Variants in SLC8A1 observed in about 807,000 individuals in gnomAD.
The protein encoded by SLC8A1 is sodium/calcium exchanger 1.
A neutral mutation model predicts 68.3 loss-of-function variants in SLC8A1; 18 were observed. That is an observed-to-expected ratio of 0.26 (90% CI 0.18 to 0.39). The LOEUF (loss-of-function observed/expected upper bound fraction) is 0.39, where lower values mean the gene tolerates loss of function less well. SLC8A1 is among the 10% of genes least tolerant of loss of function. The probability of loss-of-function intolerance (pLI) is 1.00; values close to 1 mark genes in which losing one functional copy is unlikely to be tolerated. For synonymous variants in SLC8A1, 475 were observed against 415.5 expected (o/e 1.14, Z -1.74); for missense variants, 985 against 1,156.7 (o/e 0.85, Z 2.15).
At chr2:40,417,781 C>T (rs1046028332) in intron 2 of SLC8A1, among the ~76,000 whole-genome samples, 1 of 151,926 alleles carries the variant, frequency 6.6e-6, no homozygotes, top group Non-Finnish European at 1.5e-5. Flanking sequence ...GAACATCTAC[C>T]ATTCACTTTT....
intron 2 of SLC8A1, among the ~76,000 whole-genome samples, chr2:40,285,601 A>T (rs940875352): frequency 2.6e-5 from 4 of 152,290 alleles, no homozygotes; most frequent in African/African-American, 9.6e-5. Context: ...AGAAGAAGAT[A>T]GCAGTGTTTA....
chr2:40,381,154 A>C (rs1681643549), intron 2 of SLC8A1, among the ~76,000 whole-genome samples: 1 of 152,030 alleles, frequency 6.6e-6, no homozygotes, highest in African/African-American at 2.4e-5. Context: ...TGGTTGCTCC[A>C]AACATCAAAA....
At chr2:40,250,269 G>A (rs576641348) in intron 2 of SLC8A1, 8 of 152,312 alleles carry the variant, frequency 5.3e-5, no homozygotes, top group African/African-American at 1.9e-4. Context: ...CTGGACAACA[G>A]ACAAATTACT....
chr2:40,104,501 A>C (rs1011211469), exon 8 of SLC8A1: 7 of 152,158 alleles, frequency 4.6e-5, no homozygotes, highest in African/African-American at 1.7e-4. Flanking sequence ...TAATATTTCT[A>C]TTTCTGTTAG....
intron 2 of SLC8A1, among the ~76,000 whole-genome samples, chr2:40,248,424 C>T (rs1029252237): frequency 6.6e-6 from 1 of 152,120 alleles, no homozygotes; most frequent in Non-Finnish European, 1.5e-5. Context: ...CTCCCTTGCC[C>T]TACCATCACA....
intron 2 of SLC8A1, among the ~76,000 whole-genome samples, chr2:40,252,768 G>A (rs673689): frequency 5.6e-5 from 8 of 143,316 alleles, no homozygotes; most frequent in South Asian, 2.1e-4. Context: ...TAATCAGAAG[G>A]TGAATGTTAG....
At chr2:40,105,301 T>C (rs913751529) in exon 8 of SLC8A1, 2 of 152,186 alleles carry the variant, frequency 1.3e-5, no homozygotes, top group East Asian at 1.9e-4. Flanking sequence ...TTCTTCATTG[T>C]TTTAAAATGT....
intron 2 of SLC8A1, among the ~76,000 whole-genome samples, chr2:40,205,721 G>A (rs145572907): frequency 7.9e-4 from 118 of 150,276 alleles, no homozygotes; most frequent in Middle Eastern, 3.4e-3. Context: ...ACTGGATGAT[G>A]AGATAATCTG....
At chr2:40,240,615 A>C (rs529590537) in intron 2 of SLC8A1, among the ~76,000 whole-genome samples, 1 of 152,364 alleles carries the variant, frequency 6.6e-6, no homozygotes, top group African/African-American at 2.4e-5. Context: ...GTATAAATAC[A>C]CAGATATATA....
chr2:40,118,883 C>T (rs2036152873), intron 7 of SLC8A1, among the ~76,000 whole-genome samples: 2 of 151,980 alleles, frequency 1.3e-5, no homozygotes, highest in South Asian at 2.1e-4. Flanking sequence ...GCTTACCTCC[C>T]CTGGCACCTG....
At chr2:40,130,766 T>C (rs79937733) in intron 7 of SLC8A1, among the ~76,000 whole-genome samples, 1 of 152,220 alleles carries the variant, frequency 6.6e-6, no homozygotes, top group African/African-American at 2.4e-5. Context: ...CAATTAAATA[T>C]GTATGCACAC....
chr2:40,448,565 C>G (rs1172568120), intron 1 of SLC8A1, among the ~76,000 whole-genome samples: 2 of 152,126 alleles, frequency 1.3e-5, no homozygotes, highest in Non-Finnish European at 2.9e-5. Flanking sequence ...GTTTTGTTAG[C>G]CACCTTTACT....
chr2:40,135,159 T>C (rs2040250709), intron 7 of SLC8A1, among the ~76,000 whole-genome samples: 1 of 152,192 alleles, frequency 6.6e-6, no homozygotes, highest in African/African-American at 2.4e-5. Flanking sequence ...ACTGGAAAGA[T>C]AGGCAGGGGC....
chr2:40,108,546 G>A (rs1188586888), exon 8 of SLC8A1: 2 of 152,040 alleles, frequency 1.3e-5, no homozygotes, highest in South Asian at 2.1e-4. Flanking sequence ...AGCATTATTT[G>A]AATGTACAAT....
Position 40,373,613 on chromosome 2 carries a change from T to C in SLC8A1, c.1808+54860A>G, listed in dbSNP as rs112104885. ...CCTGCCGAACAATCCAGTGGAATAG[T>C]ACTAATTTATCTAATTTACACATAA... On this transcript the variant is annotated intron_variant, in intron 2 of 7. Transcript: ENST00000406785. Among the ~76,000 whole-genome samples the C allele has an allele frequency of 2.1e-3, 326 of 152,198 alleles. 1 individual carries two copies. The highest frequency in any genetic ancestry group is 7.6e-3 in the African/African-American group (316 of 41,552).
chr2:40,170,360 G>A lies in SLC8A1; in HGVS notation c.1930+4465C>T, dbSNP rs1199447231. On this transcript the variant is annotated intron_variant, in intron 4 of 7. Transcript: ENST00000406785. ...TGAAGACAGGTTGGCCTAGCAAAAG[G>A]ACAGGCAGAAAAATCAGCAGAATGG... The A allele has an allele frequency of 1.2e-6, 2 of 1,613,330 alleles. No individual in the cohort carries two copies. Among genetic ancestry groups the A allele is most frequent in the East Asian group, 2.2e-5 (1 of 44,872 alleles).
chr2:40,212,388 G>T (rs1465613327), intron 2 of SLC8A1, among the ~76,000 whole-genome samples: 1 of 149,732 alleles, frequency 6.7e-6, no homozygotes, highest in South Asian at 2.1e-4. Flanking sequence ...GGGTTCAAGC[G>T]ATTCTCCTGC....
intron 2 of SLC8A1, among the ~76,000 whole-genome samples, chr2:40,294,175 C>G (rs2069883622): frequency 6.6e-6 from 1 of 152,086 alleles, no homozygotes; most frequent in Non-Finnish European, 1.5e-5. Context: ...GTTTATCTTA[C>G]AGATAAAGTT....
At chr2:40,160,029 T>C (rs1218617674) in intron 6 of SLC8A1, among the ~76,000 whole-genome samples, 1 of 151,706 alleles carries the variant, frequency 6.6e-6, no homozygotes, top group Non-Finnish European at 1.5e-5. Flanking sequence ...CCAGTGTAGA[T>C]GGAGCAGAAG....
Sources: gnomAD v4.1 joint callset for allele counts (sites outside exome capture counted in the v4.1 genomes callset) on GRCh38, gnomAD v4.1.1 for gene constraint, MANE v1.5 for transcripts, NCBI Gene and HGNC (gene_info 2026-07-23, HGNC 2026-07-21) for gene names.